The following SYMPK variants were observed in gnomAD, a reference collection of about 807,000 sequenced individuals.
SYMPK encodes the protein symplekin scaffold protein.
Under a neutral mutation model 136.4 loss-of-function variants are expected in SYMPK, and 49 were observed. The ratio of observed to expected loss-of-function variants is 0.36; its 90% CI spans 0.29 to 0.46. SYMPK has a LOEUF of 0.46. SYMPK is among the 20% of genes least tolerant of loss of function. SYMPK has a pLI of 1.00. For synonymous variants in SYMPK, 766 were observed against 713.0 expected, an observed-to-expected ratio of 1.07 and a Z score of -1.19; for missense variants, 1,365 against 1,690.0, an observed-to-expected ratio of 0.81 and a Z score of 3.37.
Position 45,838,582 on chromosome 19 carries a change from T to C in SYMPK, c.1121A>G (p.Asp374Gly). 1 of 1,614,122 alleles carries C rather than the reference T, an allele frequency of 6.2e-7. No individual in the cohort carries two copies. Among genetic ancestry groups the C allele is most frequent in the Middle Eastern group, 1.6e-4 (1 of 6,062 alleles). Residue 374 changes from aspartate (D) to glycine (G), a missense_variant, in exon 10 of 27, where the codon GAC becomes GGC. Transcript: ENST00000245934. ...PNLGEDDEDK[D>G]LEPGPSGTSK... ...GGTCCCCGACGGGCCTGGCTCCAAG[T>C]CTTTGTCCTCATCGTCCTCCCCCAG... is the stretch of plus-strand genomic sequence containing the variant.
Position 45,821,441 on chromosome 19 carries a change from G to A in SYMPK, c.2836C>T (p.Leu946=). ...ALSPLNPGEL[L]IALHNIDSVK... ...GAGTCAATGTTGTGTAATGCGATCA[G>A]GAGCTCTCCAGGGTTCAGCGGGGAC... is the stretch of plus-strand genomic sequence containing the variant. The change falls in exon 22 of 27, where the codon CTG becomes TTG. Residue 946 remains leucine (L), a synonymous_variant. Coordinates refer to ENST00000245934, the MANE Select transcript of SYMPK (RefSeq NM_004819.3). The surrounding 1 kb of genome is among the most constrained non-coding windows in gnomAD (Gnocchi z 4.4). 1.2e-6 allele frequency: 2 copies of A among 1,614,118 alleles called. No individual in the cohort carries two copies. Among genetic ancestry groups the A allele is most frequent in the Non-Finnish European group, 1.7e-6 (2 of 1,180,018 alleles).
rs775413300 is a variant in SYMPK, at chr19:45,827,659, C to T, written c.2068-36G>A. On this transcript the variant is annotated intron_variant, in intron 15 of 26. Coordinates refer to ENST00000245934, the MANE Select transcript of SYMPK (RefSeq NM_004819.3). ...AGGAAAGGGACCCGAGCTCAGCCCA[C>T]CTGAGTGTGCCTCTGGGCTCTGTCT... 6 of 1,574,178 alleles carry T rather than the reference C, an allele frequency of 3.8e-6. No individual in the cohort carries two copies. In the Admixed American group the frequency reaches 1.0e-4, roughly 26 times the overall value.
chr19:45,816,296 G>A, intron 25 of SYMPK, 113 bp from the exon 26 acceptor site: 1 of 1,113,894 alleles, frequency 9.0e-7, no homozygotes, highest in Admixed American at 2.8e-5. Flanking sequence ...AGAGCATGGG[G>A]AGGAAGGGGC....
intron 24 of SYMPK, 72 bp from the exon 25 acceptor site, chr19:45,816,649 C>CG: frequency 3.1e-6 from 5 of 1,593,950 alleles, no homozygotes; most frequent in Non-Finnish European, 4.3e-6. Context: ...ACCTCAGGTC[C>CG]GGGGGCCCTA....
intron 21 of SYMPK, among the ~76,000 whole-genome samples, chr19:45,822,121 T>C (rs945212906): frequency 4.5e-5 from 6 of 134,756 alleles, no homozygotes; most frequent in East Asian, 2.5e-4. Flanking sequence ...GCTTCTTTTT[T>C]TTTTTTTTTT....
At chr19:45,820,214 C>G (rs1326657841) in intron 22 of SYMPK, 1 of 152,244 alleles carries the variant, frequency 6.6e-6, no homozygotes, top group African/African-American at 2.4e-5. Context: ...AAACTGTATG[C>G]AAATAATATG....
At chr19:45,847,368 G>A (rs1971587467) in intron 7 of SYMPK, among the ~76,000 whole-genome samples, 1 of 151,430 alleles carries the variant, frequency 6.6e-6, no homozygotes, top group Non-Finnish European at 1.5e-5. Context: ...AGGTTGCAGT[G>A]AGCTGAGATT....
rs538965174 is a variant in SYMPK, at chr19:45,822,818, A to C, written c.2729T>G (p.Leu910Arg). The change falls in exon 21 of 27, where the codon CTC becomes CGC. Residue 910 changes from leucine to arginine, a missense_variant. Transcript: ENST00000245934. Reference protein sequence around the residue: ...KKEVIQALPKLIKLNPIVVKE... With the variant: ...KKEVIQALPKRIKLNPIVVKE... Reference sequence around the variant, plus strand: ...CACCACGATGGGGTTGAGTTTGATGAGTTTAGGCAGGGCCTGGATCACCTC... The same window carrying C: ...CACCACGATGGGGTTGAGTTTGATGCGTTTAGGCAGGGCCTGGATCACCTC... 6.2e-7 allele frequency: 1 copy of C among 1,613,192 alleles called. No individual in the cohort carries two copies. Among genetic ancestry groups the C allele is most frequent in the African/African-American group, 1.3e-5 (1 of 74,770 alleles).
rs188377887 is a variant in SYMPK at position 45,829,542 on chromosome 19, C to T, written c.1750-337G>A. Among the ~76,000 whole-genome samples, 26 of 152,120 alleles carry T rather than the reference C, an allele frequency of 1.7e-4. 1 individual carries two copies. The East Asian group carries it at 4.3e-3, about 25-fold the overall frequency. On this transcript the variant is annotated intron_variant, in intron 13 of 26. Coordinates refer to ENST00000245934, the MANE Select transcript of SYMPK (RefSeq NM_004819.3). ...AGGGATGGGGTGCAGGTGATGGCCA[C>T]GGAAGAGTACTGGATCTGGATTCCC...
chr19:45,824,694 T>C (rs1364772221), intron 18 of SYMPK, among the ~76,000 whole-genome samples: 1 of 152,160 alleles, frequency 6.6e-6, no homozygotes, highest in Non-Finnish European at 1.5e-5. Flanking sequence ...GGTGCTAGTC[T>C]GTCACTGAGC....
chr19:45,831,003 C>G (rs1971156300), intron 12 of SYMPK: 1 of 161,274 alleles, frequency 6.2e-6, no homozygotes, highest in Non-Finnish European at 1.3e-5. Flanking sequence ...CAGCCAGTAG[C>G]ATTTACTACA....
chr19:45,838,806 C>T (rs547664009), intron 9 of SYMPK, among the ~76,000 whole-genome samples, 191 bp from the exon 10 acceptor site: 19 of 152,342 alleles, frequency 1.2e-4, no homozygotes, highest in Non-Finnish European at 2.1e-4. Flanking sequence ...CTACCTGACT[C>T]GTTCTGAACC....
intron 9 of SYMPK, among the ~76,000 whole-genome samples, chr19:45,840,887 A>C (rs2146327976): frequency 6.6e-6 from 1 of 152,238 alleles, no homozygotes; most frequent in South Asian, 2.1e-4. Flanking sequence ...TCCAAGATGA[A>C]AGTAAATGAA....
intron 13 of SYMPK, 144 bp downstream of exon 13, chr19:45,829,910 G>C: frequency 1.1e-6 from 1 of 920,316 alleles, no homozygotes; most frequent in African/African-American, 1.7e-5. Flanking sequence ...GGATGGGAGT[G>C]ATCTGGAGAA....
rs1970798456 is a variant in SYMPK at position 45,818,158 on chromosome 19, C to T, written c.2894-12G>A. The stretch of plus-strand genomic sequence containing the variant: ...GCACAGGTTGGTGGCTGCGAGGAGG[C>T]GGAGAGTGGGCCTGTCCTCTCTGCC... On this transcript the variant is annotated splice_polypyrimidine_tract_variant and intron_variant, in intron 22 of 26. Coordinates refer to ENST00000245934, the MANE Select transcript of SYMPK (RefSeq NM_004819.3). 4.6e-6 allele frequency: 7 copies of T among 1,532,322 alleles called. No homozygotes were observed. The highest frequency in any genetic ancestry group is 2.5e-5 in the East Asian group (1 of 40,446). The allele number at this position is 1,532,322 out of a possible 1,614,324, so 94.9% of individuals were successfully genotyped here.
At chr19:45,835,784 T>C (rs1971287672) in intron 10 of SYMPK, among the ~76,000 whole-genome samples, 1 of 151,974 alleles carries the variant, frequency 6.6e-6, no homozygotes, top group Admixed American at 6.6e-5. Flanking sequence ...CAGCAGCATG[T>C]GCCTGTAATC....
intron 1 of SYMPK, among the ~76,000 whole-genome samples, chr19:45,858,246 C>G (rs1971880585): frequency 6.6e-6 from 1 of 152,140 alleles, no homozygotes; most frequent in African/African-American, 2.4e-5. Context: ...AGGGTCAGGG[C>G]CAATGTCCCC....
At chr19:45,818,781 A>C (rs1018580090) in intron 22 of SYMPK, 1 of 152,344 alleles carries the variant, frequency 6.6e-6, no homozygotes, top group African/African-American at 2.4e-5. Context: ...TTGGCACAGC[A>C]CAAGCACCCA....
At chr19:45,858,117 A>G (rs1971878129) in intron 1 of SYMPK, among the ~76,000 whole-genome samples, 1 of 152,054 alleles carries the variant, frequency 6.6e-6, no homozygotes, top group South Asian at 2.1e-4. Context: ...CACGTTTTTT[A>G]AAAGGAACTA....
Sources: gnomAD v4.1 joint callset for allele counts (sites outside exome capture counted in the v4.1 genomes callset) on GRCh38, gnomAD v4.1.1 for gene constraint, Gnocchi (gnomAD v3.1) non-coding constraint, MANE v1.5 for transcripts, NCBI Gene and HGNC (gene_info 2026-07-23, HGNC 2026-07-21) for gene names.